The following STX1B variants were observed in gnomAD, a reference collection of about 807,000 sequenced individuals.
STX1B encodes syntaxin 1B, also known as syntaxin-1B.
Under a neutral mutation model 39.4 loss-of-function variants are expected in STX1B, and 7 were observed. The observed-to-expected ratio is 0.18, with a 90% confidence interval of 0.10 to 0.33. The LOEUF is 0.33. STX1B is among the 10% of genes least tolerant of loss of function. The probability of loss-of-function intolerance (pLI) is 1.00; values close to 1 mark genes in which losing one functional copy is unlikely to be tolerated. For synonymous variants in STX1B, 136 were observed against 144.1 expected (o/e 0.94, Z 0.40); for missense variants, 198 against 383.2 (o/e 0.52, Z 4.04).
chr16:30,997,196 T>C, intron 5 of STX1B, 137 bp from the exon 6 acceptor site: 1 of 679,146 alleles, frequency 1.5e-6, no homozygotes, highest in Non-Finnish European at 2.6e-6. Flanking sequence ...TAGTTTACGG[T>C]CCCTTCTTCA....
In STX1B at chr16:30,993,229, A is replaced by G; in HGVS notation, c.687T>C (p.Ile229=). ...AMLVESQGEM[I]DRIEYNVEHS... ...GTTCCACGTTGTACTCGATGCGGTCAATCATCTCTCCCTGCAGACAGAGGA... is the reference window on the plus strand; with the variant it reads ...GTTCCACGTTGTACTCGATGCGGTCGATCATCTCTCCCTGCAGACAGAGGA... Residue 229 remains isoleucine, a synonymous_variant, in exon 9 of 10, where the codon ATT becomes ATC. Transcript: ENST00000215095. The G allele has an allele frequency of 1.9e-6, 3 of 1,614,208 alleles. No individual in the cohort carries two copies. The highest frequency in any genetic ancestry group is 2.5e-6 in the Non-Finnish European group (3 of 1,180,028).
chr16:31,007,049 T>G (rs540577233), intron 1 of STX1B, among the ~76,000 whole-genome samples: 133 of 152,258 alleles, frequency 8.7e-4, no homozygotes, highest in African/African-American at 3.0e-3. Flanking sequence ...AGGTCAAGGC[T>G]GCAGTGAGCT....
chr16:30,993,692 G>A (rs1182347207), intron 7 of STX1B, among the ~76,000 whole-genome samples: 1 of 152,166 alleles, frequency 6.6e-6, no homozygotes, highest in Non-Finnish European at 1.5e-5. Context: ...GACTGAGTGA[G>A]TTAATATGTA....
At chr16:31,006,447 G>T (rs932591151) in intron 1 of STX1B, among the ~76,000 whole-genome samples, 2 of 152,224 alleles carry the variant, frequency 1.3e-5, no homozygotes, top group East Asian at 3.8e-4. Context: ...TCTGGGTGCT[G>T]CTGGCGATGT....
intron 1 of STX1B, among the ~76,000 whole-genome samples, chr16:31,007,186 T>C (rs771540607): frequency 3.3e-5 from 5 of 152,104 alleles, no homozygotes; most frequent in Non-Finnish European, 5.9e-5. Context: ...CCAGGGTTCG[T>C]TGGTCTCTGC....
At chr16:31,007,157 G>A (rs1267747970) in intron 1 of STX1B, among the ~76,000 whole-genome samples, 2 of 152,078 alleles carry the variant, frequency 1.3e-5, no homozygotes, top group African/African-American at 4.8e-5. Flanking sequence ...AGAGCAGCTG[G>A]AGGATATGGA....
intron 7 of STX1B, 184 bp downstream of exon 7, chr16:30,996,499 C>T: frequency 1.7e-6 from 1 of 603,372 alleles, no homozygotes. Flanking sequence ...GCCTGGCACA[C>T]GAACGACTCC....
At chr16:30,992,967 G>T in intron 9 of STX1B, 66 bp from the exon 10 acceptor site, 1 of 1,429,092 alleles carries the variant, frequency 7.0e-7, no homozygotes, top group Non-Finnish European at 9.9e-7. Context: ...CAGATGCAGG[G>T]ACAGACAGGG....
chr16:31,006,264 C>T (rs1433824735), intron 1 of STX1B, among the ~76,000 whole-genome samples: 9 of 152,132 alleles, frequency 5.9e-5, no homozygotes, highest in Admixed American at 5.2e-4. Context: ...GTCCATCTGT[C>T]TCCCTGGCTG....
chr16:30,994,068 A>G (rs7201018), intron 7 of STX1B, among the ~76,000 whole-genome samples: 143,180 of 151,818 alleles, frequency 0.94, 68,102 homozygotes, highest in East Asian at 1. Flanking sequence ...TGAAGCGGGC[A>G]GATCACGAGG....
In STX1B at chr16:30,993,488, G is replaced by A; in HGVS notation, c.538-4C>T. 1.2e-6 allele frequency: 2 copies of A among 1,613,476 alleles called. No individual in the cohort carries two copies. The highest frequency in any genetic ancestry group is 1.7e-6 in the Non-Finnish European group (2 of 1,179,974). Reference sequence around the variant, plus strand: ...TCATCTGTGAGTCCATTTTGATCTAGGGTGACGAGGGAGAGAGCTACAATC... The same window carrying A: ...TCATCTGTGAGTCCATTTTGATCTAAGGTGACGAGGGAGAGAGCTACAATC... On this transcript the variant is annotated splice_region_variant and splice_polypyrimidine_tract_variant and intron_variant, in intron 7 of 9. Transcript: ENST00000215095.
rs2056592079 is a variant in STX1B, at chr16:30,996,387, G to A, written c.537+296C>T. ...TTGCCAAGTGATTTCATCTCTCTGG[G>A]CCAGTTTTCCTCATCTGTGAAATGG... On this transcript the variant is annotated intron_variant, in intron 7 of 9. Transcript: ENST00000215095. 5 of 316,502 alleles carry A rather than the reference G, an allele frequency of 1.6e-5. No homozygotes were observed. In the South Asian group the frequency reaches 2.2e-4, roughly 14 times the overall value. 19.6% of individuals were successfully genotyped at this position (316,502 alleles called of 1,614,324 possible). A position where few individuals can be genotyped will look rare whatever the true frequency, so the allele number is the denominator to read the frequency against.
chr16:31,005,470 CTTTTTTTTTTT>C (rs35407745), intron 1 of STX1B, among the ~76,000 whole-genome samples: 1 of 113,730 alleles, frequency 8.8e-6, no homozygotes, highest in Non-Finnish European at 1.7e-5. Context: ...TTTCTTTTTC[CTTTTTTTTTTT>C]TTTTTTTTGA....
At chr16:31,002,729 C>T (rs2056637014) in intron 1 of STX1B, among the ~76,000 whole-genome samples, 1 of 152,196 alleles carries the variant, frequency 6.6e-6, no homozygotes, top group Non-Finnish European at 1.5e-5. Context: ...AGCTTAATGA[C>T]ATCTGGAGCC....
chr16:30,993,915 G>T (rs2056576699), intron 7 of STX1B, among the ~76,000 whole-genome samples: 1 of 151,736 alleles, frequency 6.6e-6, no homozygotes. Context: ...AACCCGGGGG[G>T]GCAGAGGTTG....
chr16:31,008,873 T>C (rs1836101306), intron 1 of STX1B, among the ~76,000 whole-genome samples: 1 of 152,180 alleles, frequency 6.6e-6, no homozygotes, highest in Admixed American at 6.5e-5. Context: ...TAAAAAGATA[T>C]TTATATATCT....
At chr16:30,993,542 G>A (rs187071679) in intron 7 of STX1B, 58 bp from the exon 8 acceptor site, 279 of 1,594,802 alleles carry the variant, frequency 1.7e-4, no homozygotes, top group African/African-American at 1.0e-3. Flanking sequence ...CGCCTCCACC[G>A]CAGTGGAGTG....
chr16:30,990,540 G>GCACACACACA lies in STX1B; in HGVS notation c.*2280_*2281insTGTGTGTGTG, dbSNP rs2056548503. The GCACACACACA allele has an allele frequency of 2.0e-5, 3 of 152,300 alleles. No individual in the cohort carries two copies. Among genetic ancestry groups the GCACACACACA allele is most frequent in the African/African-American group, 7.2e-5 (3 of 41,422 alleles). The allele number at this position is 152,300 out of a possible 1,614,324, so 9.4% of individuals were successfully genotyped here. A position where few individuals can be genotyped will look rare whatever the true frequency, so the allele number is the denominator to read the frequency against. On this transcript the variant is annotated 3_prime_UTR_variant, in exon 10 of 10. Coordinates refer to ENST00000215095, the MANE Select transcript of STX1B (RefSeq NM_052874.5). ...CATGCACACACAATGCACACACAATGTACACACACATACAATGCACACACA... is the reference window on the plus strand; with the variant it reads ...CATGCACACACAATGCACACACAATGCACACACACATACACACACATACAATGCACACACA...
Position 30,996,700 on chromosome 16 carries a change from C to G in STX1B, c.520G>C (p.Ala174Pro), listed in dbSNP as rs1221269956. 2 of 1,613,998 alleles carry G rather than the reference C, an allele frequency of 1.2e-6. 1 individual carries two copies. Among genetic ancestry groups the G allele is most frequent in the Middle Eastern group, 3.3e-4 (2 of 6,062 alleles). Residue 174 changes from alanine (A) to proline (P), a missense_variant, in exon 7 of 10, where the codon GCC (alanine) becomes CCC (proline). Transcript: ENST00000215095. The stretch of plus-strand genomic sequence containing the variant: ...CGGCTCACGTCATCTGTGAAGATGG[C>G]CAGCTTCCCGCTCTCCAGCATGTCT... ...LEDMLESGKL[A>P]IFTDDIKMDS...
Sources: gnomAD v4.1 joint callset for allele counts (sites outside exome capture counted in the v4.1 genomes callset) on GRCh38, gnomAD v4.1.1 for gene constraint, MANE v1.5 for transcripts, NCBI Gene and HGNC (gene_info 2026-07-23, HGNC 2026-07-21) for gene names.